The following TBCD variants were observed in gnomAD, a reference collection of about 807,000 sequenced individuals.
TBCD encodes tubulin-specific chaperone D.
In TBCD, 105 loss-of-function variants were observed where a neutral mutation model predicts 169.3. The observed-to-expected ratio is 0.62, with a 90% CI of 0.53 to 0.73. The LOEUF is 0.73. Among genes scored for constraint, TBCD ranks in the 30% least tolerant of loss-of-function variants. The probability of loss-of-function intolerance (pLI) is 0.00; values close to 1 mark genes in which losing one functional copy is unlikely to be tolerated. For missense variants in TBCD, 1,444 were observed against 1,600.1 expected (o/e 0.90, Z 1.66); for synonymous variants, 700 against 643.9 (o/e 1.09, Z -1.32).
chr17:82,798,363 G>T (rs1454625255), intron 8 of TBCD, among the ~76,000 whole-genome samples: 1 of 152,102 alleles, frequency 6.6e-6, no homozygotes, highest in Non-Finnish European at 1.5e-5. Context: ...AGCCAGGATG[G>T]TCTCGATCTC....
At chr17:82,886,096 C>T (rs1001314268) in intron 15 of TBCD, 7 of 152,296 alleles carry the variant, frequency 4.6e-5, no homozygotes, top group African/African-American at 1.2e-4. Flanking sequence ...AGTCCTGTCC[C>T]TCCTTGGGGC....
chr17:82,827,018 G>A (rs973569039), intron 13 of TBCD, among the ~76,000 whole-genome samples: 2 of 152,186 alleles, frequency 1.3e-5, no homozygotes, highest in East Asian at 1.9e-4. Flanking sequence ...CAATCCATCC[G>A]CTTTGGCCTC....
At chr17:82,888,878 C>G (rs2058938379) in intron 15 of TBCD, among the ~76,000 whole-genome samples, 1 of 152,246 alleles carries the variant, frequency 6.6e-6, no homozygotes, top group African/African-American at 2.4e-5. Flanking sequence ...CCGCCAGCCT[C>G]CCTGGCCTCG....
chr17:82,920,157 T>C lies in TBCD; in HGVS notation c.2039-399T>C, dbSNP rs939215988. Among the ~76,000 whole-genome samples, 11 of 152,174 alleles carry C rather than the reference T, an allele frequency of 7.2e-5. No homozygotes were observed. Among genetic ancestry groups the C allele is most frequent in the Non-Finnish European group, 8.8e-5 (6 of 68,028 alleles). Reference sequence around the variant, plus strand: ...CAGGCATGACCTGTGGTCTGGAGCATTGCAGGTGATGGCTGTCTGTCGCTT... The same window carrying C: ...CAGGCATGACCTGTGGTCTGGAGCACTGCAGGTGATGGCTGTCTGTCGCTT... On this transcript the variant is annotated intron_variant, in intron 23 of 38. Coordinates refer to ENST00000355528, the MANE Select transcript of TBCD (RefSeq NM_005993.5). The surrounding 1 kb of genome is among the most constrained non-coding windows in gnomAD (Gnocchi z 4.1).
rs1180267405 is a variant in TBCD, at chr17:82,835,746, AAC to A, written c.1318+20816_1318+20817del. ...GGCTCATTTATTTATAATTCTTAAA[AAC>A]ACAACCACCCTTCCCCCTACAAACT... On this transcript the variant is annotated intron_variant, in intron 13 of 38. Transcript: ENST00000355528. This position sits in a 1 kb window ranked among gnomAD's most constrained non-coding sequence, Gnocchi z 4.5. Among the ~76,000 whole-genome samples, 1 of 152,154 alleles carries A rather than the reference AAC, an allele frequency of 6.6e-6. No individual in the cohort carries two copies. The highest frequency in any genetic ancestry group is 6.6e-5 in the Admixed American group (1 of 15,262).
intron 13 of TBCD, among the ~76,000 whole-genome samples, chr17:82,842,947 AT>A (rs1567872831): frequency 6.6e-6 from 1 of 151,534 alleles, no homozygotes; most frequent in South Asian, 2.1e-4. Context: ...CGTCCGGCTG[AT>A]TTTTTGTATT....
intron 13 of TBCD, among the ~76,000 whole-genome samples, chr17:82,827,314 C>T (rs1159843110): frequency 6.6e-6 from 1 of 152,196 alleles, no homozygotes; most frequent in Non-Finnish European, 1.5e-5. Context: ...CAGTTCCCAT[C>T]GTAGTGTCCA....
At position 82,831,383 on chromosome 17, in the gene TBCD, G is replaced by C; in HGVS notation, c.1318+16449G>C. The C allele has an allele frequency of 6.2e-7, 1 of 1,614,174 alleles. No individual in the cohort carries two copies. Among genetic ancestry groups the C allele is most frequent in the Non-Finnish European group, 8.5e-7 (1 of 1,180,032 alleles). On this transcript the variant is annotated intron_variant, in intron 13 of 38. Coordinates refer to ENST00000355528, the MANE Select transcript of TBCD (RefSeq NM_005993.5). This position sits in a 1 kb window ranked among gnomAD's most constrained non-coding sequence, Gnocchi z 4.6. ...TTTAACCTGGAAGGACTCGAGGCTGGATAGACCAGGGTGGCTTCTTCAAGC... is the reference window on the plus strand; with the variant it reads ...TTTAACCTGGAAGGACTCGAGGCTGCATAGACCAGGGTGGCTTCTTCAAGC...
At chr17:82,780,300 C>G (rs1568121312) in intron 6 of TBCD, among the ~76,000 whole-genome samples, 1 of 152,116 alleles carries the variant, frequency 6.6e-6, no homozygotes, top group African/African-American at 2.4e-5. Context: ...TCCTTCGTAA[C>G]TTTTCTTTGC....
In TBCD at chr17:82,930,134, G is replaced by A. The variant is rs1005026536; in HGVS notation, c.2992-388G>A. 2.5e-5 allele frequency: 7 copies of A among 284,718 alleles called. No individual in the cohort carries two copies. Among genetic ancestry groups the A allele is most frequent in the South Asian group, 1.2e-4 (3 of 24,714 alleles). The allele number at this position is 284,718 out of a possible 1,614,324, so 17.6% of individuals were successfully genotyped here. On this transcript the variant is annotated intron_variant, in intron 32 of 38. Transcript: ENST00000355528. This position sits in a 1 kb window ranked among gnomAD's most constrained non-coding sequence, Gnocchi z 5.2. The stretch of plus-strand genomic sequence containing the variant: ...GGTGCCCTCTGCGCCGTGCGGGCGC[G>A]TGCGGGGAGACCCGGGCCACATGCG...
chr17:82,813,774 A>G (rs1231146284), intron 12 of TBCD, among the ~76,000 whole-genome samples: 1 of 152,222 alleles, frequency 6.6e-6, no homozygotes, highest in Non-Finnish European at 1.5e-5. Context: ...CTCTGGGCAG[A>G]CAGTACACGT....
chr17:82,767,279 C>T (rs1456618113), intron 4 of TBCD, among the ~76,000 whole-genome samples: 2 of 152,160 alleles, frequency 1.3e-5, no homozygotes, highest in Admixed American at 1.3e-4. Flanking sequence ...CTGATGAGCG[C>T]TGTGGGGCAT....
intron 14 of TBCD, among the ~76,000 whole-genome samples, chr17:82,871,192 A>T (rs985808201): frequency 1.2e-4 from 17 of 147,742 alleles, no homozygotes; most frequent in African/African-American, 4.3e-4. Flanking sequence ...TGTGCCAGGG[A>T]CTTTCAGGAT....
intron 13 of TBCD, among the ~76,000 whole-genome samples, chr17:82,843,390 TC>T (rs1293896839): frequency 8.3e-6 from 1 of 120,384 alleles, no homozygotes; most frequent in Non-Finnish European, 1.7e-5. Context: ...ATCATTCCCT[TC>T]CCCTCCCCGT....
At position 82,835,485 on chromosome 17, in the gene TBCD, C is replaced by G. The variant is rs1054185859; in HGVS notation, c.1318+20551C>G. Among the ~76,000 whole-genome samples the G allele has an allele frequency of 2.0e-5, 3 of 152,096 alleles. No individual in the cohort carries two copies. Among genetic ancestry groups the G allele is most frequent in the Non-Finnish European group, 2.9e-5 (2 of 68,022 alleles). ...TTGCCCAGGCTGGAGGGCAGTGGTGCGATCTCGGTTCACTGCAACCTCTGC... is the reference window on the plus strand; with the variant it reads ...TTGCCCAGGCTGGAGGGCAGTGGTGGGATCTCGGTTCACTGCAACCTCTGC... On this transcript the variant is annotated intron_variant, in intron 13 of 38. Coordinates refer to ENST00000355528, the MANE Select transcript of TBCD (RefSeq NM_005993.5). The surrounding 1 kb of genome is among the most constrained non-coding windows in gnomAD (Gnocchi z 4.5).
chr17:82,941,500 C>T lies in TBCD; in HGVS notation c.3564+17C>T. The T allele has an allele frequency of 1.3e-6, 2 of 1,571,212 alleles. No individual in the cohort carries two copies. The highest frequency in any genetic ancestry group is 1.2e-5 in the South Asian group (1 of 85,768). On this transcript the variant is annotated intron_variant, in intron 38 of 38. Coordinates refer to ENST00000355528, the MANE Select transcript of TBCD (RefSeq NM_005993.5). ...GTGCCCCAGGTAACCCTGTCACCTT[C>T]ACAGCATGAGGTGCCTGTGCTTCCC...
intron 30 of TBCD, 69 bp from the exon 31 acceptor site, chr17:82,929,044 G>A (rs1434317257): frequency 2.6e-6 from 4 of 1,555,968 alleles, no homozygotes; most frequent in East Asian, 2.3e-5. Flanking sequence ...CGGACCGCCT[G>A]TGCTCAGTTT....
intron 13 of TBCD, among the ~76,000 whole-genome samples, chr17:82,857,509 G>A (rs906952105): frequency 1.5e-4 from 23 of 152,044 alleles, no homozygotes; most frequent in Non-Finnish European, 1.9e-4. Context: ...TTTTCTGTGT[G>A]TGTGCAGTTT....
chr17:82,905,465 GCGTCC>G (rs1464761481), intron 19 of TBCD, among the ~76,000 whole-genome samples: 3,278 of 152,016 alleles, frequency 0.022, 62 homozygotes, highest in African/African-American at 0.032. Context: ...GTGCGTGTGG[GCGTCC>G]CACAGGTCGT....
Sources: gnomAD v4.1 joint callset for allele counts (sites outside exome capture counted in the v4.1 genomes callset) on GRCh38, gnomAD v4.1.1 for gene constraint, Gnocchi (gnomAD v3.1) non-coding constraint, MANE v1.5 for transcripts, NCBI Gene and HGNC (gene_info 2026-07-23, HGNC 2026-07-21) for gene names.